The following LAMC3 variants were observed in gnomAD, a reference collection of about 807,000 sequenced individuals.
LAMC3 encodes the protein laminin subunit gamma 3.
A neutral mutation model predicts 173.8 loss-of-function variants in LAMC3; 128 were observed. The observed-to-expected ratio is 0.74, with a 90% CI of 0.64 to 0.85. The LOEUF is 0.85. Among genes scored for constraint, LAMC3 ranks in the 40% least tolerant of loss-of-function variants. The pLI, the probability that LAMC3 is intolerant of heterozygous loss-of-function variation, is 0.00. For synonymous variants in LAMC3, 897 were observed against 909.1 expected (o/e 0.99, Z 0.24); for missense variants, 2,022 against 2,156.0 (o/e 0.94, Z 1.23).
At chr9:131,044,236 G>A (rs1834107702) in intron 7 of LAMC3, among the ~76,000 whole-genome samples, 1 of 151,566 alleles carries the variant, frequency 6.6e-6, no homozygotes, top group African/African-American at 2.4e-5. Context: ...AGCCGGCCAG[G>A]CGCGGTGGCT....
rs2133266020 is a variant in LAMC3, at chr9:131,044,699, C to T, written c.1383-825C>T. 2.6e-5 allele frequency among the ~76,000 whole-genome samples: 4 copies of T among 152,300 alleles called. 1 individual carries two copies. In the South Asian group the frequency reaches 8.3e-4, roughly 32 times the overall value. On this transcript the variant is annotated intron_variant, in intron 7 of 27. Transcript: ENST00000361069. ...ATATGACGAGAAGGGTACTTCACCTCTGTGTATTTCTTTCCCAAGCCTATA... is the reference window on the plus strand; with the variant it reads ...ATATGACGAGAAGGGTACTTCACCTTTGTGTATTTCTTTCCCAAGCCTATA...
chr9:131,080,066 G>A (rs774154034), intron 23 of LAMC3, among the ~76,000 whole-genome samples: 7 of 152,022 alleles, frequency 4.6e-5, no homozygotes, highest in African/African-American at 1.2e-4. Context: ...TCCATTTCCC[G>A]GGTTCAAGTG....
chr9:131,033,749 GT>G (rs960041781), intron 3 of LAMC3, among the ~76,000 whole-genome samples: 4 of 152,162 alleles, frequency 2.6e-5, no homozygotes, highest in Admixed American at 2.6e-4. Flanking sequence ...TGTGGGGCGC[GT>G]GGGTCTGAAC....
chr9:131,071,711 G>A lies in LAMC3; in HGVS notation c.3211+86G>A, dbSNP rs1588163868. On this transcript the variant is annotated intron_variant, in intron 18 of 27. Coordinates refer to ENST00000361069, the MANE Select transcript of LAMC3 (RefSeq NM_006059.4). ...TCTGGTGTCGTTGGATGCTTTGGGG[G>A]CCCTCCCAAAACAGCCCTGTTGCCA... The A allele has an allele frequency of 7.1e-6, 10 of 1,413,186 alleles. No homozygotes were observed. The East Asian group carries it at 1.9e-4, about 27-fold the overall frequency. 87.5% of individuals were successfully genotyped at this position (1,413,186 alleles called of 1,614,324 possible).
rs202236098 is a variant in LAMC3, at chr9:131,061,080, G to A, written c.2204G>A (p.Arg735His). The change falls in exon 13 of 28, where the codon CGC becomes CAC. Residue 735 changes from arginine to histidine, a missense_variant. Coordinates refer to ENST00000361069, the MANE Select transcript of LAMC3 (RefSeq NM_006059.4). ...CATACCGAGGGCCCATCCTGTGAACGCTGTTTGCCAGGTTTCTATGGCAAC... is the reference window on the plus strand; with the variant it reads ...CATACCGAGGGCCCATCCTGTGAACACTGTTTGCCAGGTTTCTATGGCAAC... ...SHHTEGPSCE[R>H]CLPGFYGNPF... is the part of the protein sequence containing the mutation. 26 of 1,614,128 alleles carry A rather than the reference G, an allele frequency of 1.6e-5. No individual in the cohort carries two copies. The African/African-American group carries it at 2.0e-4, about 12-fold the overall frequency.
intron 3 of LAMC3, among the ~76,000 whole-genome samples, chr9:131,034,401 C>T (rs1328267248): frequency 1.3e-5 from 2 of 152,244 alleles, no homozygotes; most frequent in African/African-American, 4.8e-5. Flanking sequence ...GCTACGTGCC[C>T]TACCACACAG....
At chr9:131,070,263 A>G (rs1390907989) in intron 17 of LAMC3, among the ~76,000 whole-genome samples, 1 of 151,316 alleles carries the variant, frequency 6.6e-6, no homozygotes, top group African/African-American at 2.4e-5. Flanking sequence ...CCCTCCCCCA[A>G]CTCCATTCAT....
At chr9:131,038,733 AT>A (rs1420711020) in intron 4 of LAMC3, 130 bp from the exon 5 acceptor site, 1 of 973,554 alleles carries the variant, frequency 1.0e-6, no homozygotes, top group East Asian at 2.4e-5. Context: ...CCTGAACTCC[AT>A]TCTGGACCAT....
At position 131,085,510 on chromosome 9, in the gene LAMC3, A is replaced by G; in HGVS notation, c.4031-14A>G. On this transcript the variant is annotated splice_polypyrimidine_tract_variant and intron_variant, in intron 24 of 27. Coordinates refer to ENST00000361069, the MANE Select transcript of LAMC3 (RefSeq NM_006059.4). ...AGCCCAGTTCCCCTGACCCAGCCTC[A>G]GCCGGGTTTGCAGGAATGAAGCTGC... The G allele has an allele frequency of 1.2e-6, 2 of 1,613,412 alleles. No individual in the cohort carries two copies. The highest frequency in any genetic ancestry group is 1.3e-5 in the African/African-American group (1 of 75,044).
intron 1 of LAMC3, among the ~76,000 whole-genome samples, chr9:131,023,558 G>A (rs1174638178): frequency 1.3e-5 from 2 of 152,074 alleles, no homozygotes; most frequent in East Asian, 3.9e-4. Flanking sequence ...GTGTTTCTTG[G>A]CCATTCATAT....
At chr9:131,054,952 G>A (rs938729417) in intron 11 of LAMC3, among the ~76,000 whole-genome samples, 4 of 151,484 alleles carry the variant, frequency 2.6e-5, no homozygotes, top group Non-Finnish European at 5.9e-5. Context: ...GTCATTACGC[G>A]TAGAAAGCCT....
At chr9:131,032,322 C>T (rs1833839934) in intron 3 of LAMC3, 147 bp downstream of exon 3, 4 of 760,182 alleles carry the variant, frequency 5.3e-6, no homozygotes, top group Non-Finnish European at 9.0e-6. Flanking sequence ...ATTCGAGGCC[C>T]TGGGGGTCCA....
At chr9:131,039,271 T>A (rs752780218) in intron 6 of LAMC3, 23 bp downstream of exon 6, 1 of 1,565,344 alleles carries the variant, frequency 6.4e-7, no homozygotes, top group Admixed American at 1.7e-5. Flanking sequence ...GGCGGCCCAG[T>A]ATGGACACAT....
intron 3 of LAMC3, 109 bp downstream of exon 3, chr9:131,032,284 C>A (rs1273644739): frequency 7.0e-6 from 6 of 861,664 alleles, no homozygotes; most frequent in African/African-American, 1.7e-5. Context: ...CCAGGTGTGC[C>A]CCAGGGGAGA....
intron 20 of LAMC3, 69 bp downstream of exon 20, chr9:131,073,390 C>G: frequency 8.6e-7 from 1 of 1,158,892 alleles, no homozygotes; most frequent in Non-Finnish European, 1.3e-6. Context: ...AGAGTCAGCC[C>G]CACAGGTGCC....
rs398012456 is a variant in LAMC3 at position 131,047,165 on chromosome 9, C to CTTTTTTTTTTTTTTTTT, written c.1519+1506_1519+1522dup. ...AAAACTTTTTGGTCTCTGAATTCCTCTTTTTTTTTTTTTTTTTAAGACGGA... is the reference window on the plus strand; with the variant it reads ...AAAACTTTTTGGTCTCTGAATTCCTCTTTTTTTTTTTTTTTTTTTTTTTTTTTTTTTTTTAAGACGGA... On this transcript the variant is annotated intron_variant, in intron 8 of 27. Coordinates refer to ENST00000361069, the MANE Select transcript of LAMC3 (RefSeq NM_006059.4). 1.3e-4 allele frequency among the ~76,000 whole-genome samples: 13 copies of CTTTTTTTTTTTTTTTTT among 102,164 alleles called. No individual in the cohort carries two copies. The South Asian group carries it at 1.9e-3, about 15-fold the overall frequency. 67.0% of individuals were successfully genotyped at this position (102,164 alleles called of 152,430 possible). A position where few individuals can be genotyped will look rare whatever the true frequency, so the allele number is the denominator to read the frequency against.
At chr9:131,063,473 AGT>A (rs1829870121) in intron 13 of LAMC3, among the ~76,000 whole-genome samples, 4 of 152,194 alleles carry the variant, frequency 2.6e-5, no homozygotes, top group Admixed American at 2.0e-4. Flanking sequence ...GGACACCTGG[AGT>A]GGACTTTAGA....
chr9:131,079,035 G>A, intron 22 of LAMC3, 114 bp from the exon 23 acceptor site: 2 of 1,344,474 alleles, frequency 1.5e-6, no homozygotes, highest in Non-Finnish European at 2.1e-6. Context: ...GTTCTTGGCT[G>A]GCAGCCAGGG....
At chr9:131,050,373 C>G (rs567022641) in intron 9 of LAMC3, among the ~76,000 whole-genome samples, 1 of 152,306 alleles carries the variant, frequency 6.6e-6, no homozygotes, top group East Asian at 1.9e-4. Context: ...GTGACAGCAT[C>G]AGAGGGAATG....
Sources: gnomAD v4.1 joint callset for allele counts (sites outside exome capture counted in the v4.1 genomes callset) on GRCh38, gnomAD v4.1.1 for gene constraint, MANE v1.5 for transcripts, NCBI Gene and HGNC (gene_info 2026-07-23, HGNC 2026-07-21) for gene names.